Variants in XDH observed in about 807,000 individuals in gnomAD.
XDH encodes the protein xanthine dehydrogenase.
XDH carries 138 observed loss-of-function variants against 156.1 expected under a neutral mutation model. The ratio of observed to expected loss-of-function variants is 0.88; its 90% CI spans 0.77 to 1.02. The LOEUF is 1.02. XDH is among the 50% of genes least tolerant of loss of function. XDH has a pLI of 0.00. For missense variants in XDH, 1,849 were observed against 1,684.9 expected, an observed-to-expected ratio of 1.10 and a Z score of -1.71; for synonymous variants, 669 against 625.7, an observed-to-expected ratio of 1.07 and a Z score of -1.03.
At chr2:31,389,688 C>T (rs772842293) in intron 6 of XDH, 2 of 152,020 alleles carry the variant, frequency 1.3e-5, no homozygotes, top group Non-Finnish European at 2.9e-5. Context: ...CTTGATAATT[C>T]ATTGGTGTGT....
At chr2:31,386,343 G>C in intron 9 of XDH, 71 bp downstream of exon 9, 7 of 1,593,564 alleles carry the variant, frequency 4.4e-6, no homozygotes, top group Non-Finnish European at 6.0e-6. Flanking sequence ...GGGGAGGTGA[G>C]GATGGGCAAG....
At position 31,347,590 on chromosome 2, in the gene XDH, T is replaced by C. The variant is rs777271512; in HGVS notation, c.3208A>G (p.Asn1070Asp). 8.1e-6 allele frequency: 13 copies of C among 1,613,994 alleles called. No individual in the cohort carries two copies. Among genetic ancestry groups the C allele is most frequent in the Non-Finnish European group, 1.0e-5 (12 of 1,180,016 alleles). The change falls in exon 29 of 36, where the codon AAC (asparagine) becomes GAC (aspartate). Residue 1070 changes from asparagine (N) to aspartate (D), a missense_variant. Physicochemically the swap from Asn to Asp is conservative, Grantham distance 23 (BLOSUM62 1). Transcript: ENST00000379416. Reference protein sequence around the residue: ...SKIYISETSTNTVPNTSPTAA... With the variant: ...SKIYISETSTDTVPNTSPTAA... ...GTGGGAGAGGTGTTGGGCACAGTGTTAGTGCTTGTCTCGCTGATATAAATC... is the reference window on the plus strand; with the variant it reads ...GTGGGAGAGGTGTTGGGCACAGTGTCAGTGCTTGTCTCGCTGATATAAATC...
intron 17 of XDH, among the ~76,000 whole-genome samples, chr2:31,370,916 G>A (rs1686053728): frequency 6.6e-6 from 1 of 152,200 alleles, no homozygotes; most frequent in Non-Finnish European, 1.5e-5. Flanking sequence ...CCAAGTACAA[G>A]CAAGCCATAT....
Position 31,379,862 on chromosome 2 carries a change from C to A in XDH, c.1242+5G>T. 6.2e-7 allele frequency: 1 copy of A among 1,613,906 alleles called. No individual in the cohort carries two copies. The highest frequency in any genetic ancestry group is 8.5e-7 in the Non-Finnish European group (1 of 1,179,802). On this transcript the variant is annotated splice_donor_5th_base_variant and intron_variant, in intron 13 of 35. Coordinates refer to ENST00000379416, the MANE Select transcript of XDH (RefSeq NM_000379.4). ...CAGAGCCTGGAACCACTTCCAACAT[C>A]TCACCTCCCTGCTGTAGGGGATCTC...
At chr2:31,378,162 G>GCAAA (rs1686322591) in intron 13 of XDH, among the ~76,000 whole-genome samples, 1 of 112,206 alleles carries the variant, frequency 8.9e-6, no homozygotes, top group African/African-American at 3.3e-5. Flanking sequence ...AAGGAAGGAA[G>GCAAA]GAAGGAAGGA....
intron 1 of XDH, among the ~76,000 whole-genome samples, chr2:31,407,323 T>C (rs923070304): frequency 6.6e-6 from 1 of 152,204 alleles, no homozygotes; most frequent in African/African-American, 2.4e-5. Flanking sequence ...GGGGTTGGTA[T>C]ACACTCCCGG....
intron 30 of XDH, among the ~76,000 whole-genome samples, chr2:31,344,962 C>T (rs1685241987): frequency 6.6e-6 from 1 of 152,148 alleles, no homozygotes. Flanking sequence ...GTCTTCCTCC[C>T]TTGAGTTGTC....
chr2:31,347,655 GAA>G lies in XDH; in HGVS notation c.3148-7_3148-6del. 1 of 1,613,250 alleles carries G rather than the reference GAA, an allele frequency of 6.2e-7. No individual in the cohort carries two copies. The highest frequency in any genetic ancestry group is 1.1e-5 in the South Asian group (1 of 90,960). The stretch of plus-strand genomic sequence containing the variant: ...TTTCAGAGCTCTACTGGCCACCTGC[GAA>G]AAGAGAAGACATTGCCCTCTAGGGA... On this transcript the variant is annotated splice_region_variant and splice_polypyrimidine_tract_variant and intron_variant, in intron 28 of 35. Coordinates refer to ENST00000379416, the MANE Select transcript of XDH (RefSeq NM_000379.4).
chr2:31,378,481 C>T (rs756303974), intron 13 of XDH, among the ~76,000 whole-genome samples: 10 of 152,174 alleles, frequency 6.6e-5, no homozygotes, highest in Non-Finnish European at 7.3e-5. Context: ...ATGAGGCCCA[C>T]AGTTGAGGCC....
chr2:31,396,146 T>G (rs899095141), intron 6 of XDH, among the ~76,000 whole-genome samples: 1 of 152,200 alleles, frequency 6.6e-6, no homozygotes. Flanking sequence ...GCACCTTTTG[T>G]GTGTCAGGCA....
At chr2:31,338,294 C>T (rs1315508625) in intron 34 of XDH, among the ~76,000 whole-genome samples, 1 of 152,190 alleles carries the variant, frequency 6.6e-6, no homozygotes, top group African/African-American at 2.4e-5. Flanking sequence ...CATTTTCTAG[C>T]ATAGGTTGGT....
At chr2:31,366,374 G>A (rs1449595367) in intron 21 of XDH, among the ~76,000 whole-genome samples, 1 of 152,192 alleles carries the variant, frequency 6.6e-6, no homozygotes, top group African/African-American at 2.4e-5. Flanking sequence ...CCAGCGACTG[G>A]TAGATCATGA....
intron 24 of XDH, among the ~76,000 whole-genome samples, chr2:31,354,152 G>C (rs1384028223): frequency 6.6e-6 from 1 of 152,118 alleles, no homozygotes; most frequent in Non-Finnish European, 1.5e-5. Context: ...AAGTAAGAAG[G>C]AGTTGTTCCT....
At chr2:31,352,162 C>A (rs1685500248) in intron 24 of XDH, among the ~76,000 whole-genome samples, 1 of 152,142 alleles carries the variant, frequency 6.6e-6, no homozygotes, top group Middle Eastern at 3.4e-3. Context: ...TGTATTTTCT[C>A]TATTTTTTCA....
chr2:31,379,720 C>A, intron 13 of XDH, 147 bp downstream of exon 13: 1 of 836,578 alleles, frequency 1.2e-6, no homozygotes, highest in South Asian at 1.4e-5. Context: ...GTTGGTTCAA[C>A]AGAGGCAAAG....
At chr2:31,366,263 T>C (rs1197459607) in intron 21 of XDH, among the ~76,000 whole-genome samples, 154 bp from the exon 22 acceptor site, 1 of 152,246 alleles carries the variant, frequency 6.6e-6, no homozygotes, top group Non-Finnish European at 1.5e-5. Flanking sequence ...TGGTTAGTGA[T>C]GCTGGGGCCT....
chr2:31,383,777 A>G lies in XDH; in HGVS notation c.864T>C (p.Asn288=). ...TACCGTCGGGTCCATGTTCTACCGA[A>G]TTCAGCTCAGGGATCCAGGCTGGGC... is the stretch of plus-strand genomic sequence containing the variant. ...IVCPAWIPEL[N]SVEHGPDGIS... Residue 288 remains asparagine (N), a synonymous_variant, in exon 10 of 36, where the codon AAT becomes AAC. Coordinates refer to ENST00000379416, the MANE Select transcript of XDH (RefSeq NM_000379.4). 1.9e-6 allele frequency: 3 copies of G among 1,614,086 alleles called. No individual in the cohort carries two copies. The highest frequency in any genetic ancestry group is 2.2e-5 in the South Asian group (2 of 91,026).
Position 31,379,938 on chromosome 2 carries a change from G to A in XDH, c.1171C>T (p.Pro391Ser). Residue 391 changes from proline (P) to serine (S), a missense_variant, in exon 13 of 36, where the codon CCT becomes TCT. Transcript: ENST00000379416. ...RTVQMDHTFF[P>S]GYRKTLLSPE... ...CTCAGCAGGGTCTTTCTGTAGCCAG[G>A]GAAGAAGGTGTGGTCCATCTGGACA... 1 of 1,614,142 alleles carries A rather than the reference G, an allele frequency of 6.2e-7. No individual in the cohort carries two copies. Among genetic ancestry groups the A allele is most frequent in the South Asian group, 1.1e-5 (1 of 91,076 alleles).
intron 3 of XDH, 119 bp downstream of exon 3, chr2:31,402,928 TA>T: frequency 9.2e-7 from 1 of 1,092,856 alleles, no homozygotes; most frequent in Non-Finnish European, 1.4e-6. Context: ...AGATTCTCCA[TA>T]AAAACAGGGG....
Sources: allele counts gnomAD v4.1 joint callset (sites outside exome capture counted in the v4.1 genomes callset), GRCh38; gene constraint gnomAD v4.1.1; transcripts MANE v1.5; gene names NCBI Gene and HGNC (gene_info 2026-07-23, HGNC 2026-07-21).